HIPK1: variants seen among roughly 807,000 people sequenced by gnomAD.
HIPK1 encodes homeodomain interacting protein kinase 1, also known as homeodomain-interacting protein kinase 1.
A neutral mutation model predicts 117.1 loss-of-function variants in HIPK1; 28 were observed. The ratio of observed to expected loss-of-function variants is 0.24; its 90% confidence interval spans 0.18 to 0.33. The LOEUF is 0.33. Ranked by LOEUF, HIPK1 falls within the 10% of genes least tolerant of loss-of-function variation. The pLI is 1.00. For synonymous variants in HIPK1, 605 were observed against 562.5 expected (o/e 1.08, Z -1.07); for missense variants, 1,122 against 1,475.1 (o/e 0.76, Z 3.92).
intron 2 of HIPK1, among the ~76,000 whole-genome samples, chr1:113,950,217 C>A (rs1286357047): frequency 6.6e-6 from 1 of 152,074 alleles, no homozygotes; most frequent in Non-Finnish European, 1.5e-5. Flanking sequence ...CTTCCCTCAA[C>A]CCCCTGCACA....
chr1:113,930,875 A>C (rs1015099245), intron 1 of HIPK1: 1 of 152,230 alleles, frequency 6.6e-6, no homozygotes, highest in Non-Finnish European at 1.5e-5. Context: ...TCTTTTCTTT[A>C]CTTAATCACT....
At chr1:113,949,042 TGGCCAGGCTGGACTTGAAC>T (rs1478451741) in intron 2 of HIPK1, among the ~76,000 whole-genome samples, 8 of 152,268 alleles carry the variant, frequency 5.3e-5, no homozygotes, top group African/African-American at 1.7e-4. Context: ...TTCATCATGT[TGGCCAGGCTGGACTTGAAC>T]TCCTGACCTC....
At chr1:113,958,705 A>G (rs888639187) in intron 8 of HIPK1, among the ~76,000 whole-genome samples, 1 of 152,258 alleles carries the variant, frequency 6.6e-6, no homozygotes, top group Non-Finnish European at 1.5e-5. Context: ...GTTCCCAATA[A>G]AAAGTGATTT....
chr1:113,961,595 C>CT (rs1172519467), intron 8 of HIPK1, among the ~76,000 whole-genome samples: 1 of 152,180 alleles, frequency 6.6e-6, no homozygotes, highest in Non-Finnish European at 1.5e-5. Context: ...ATACTTAAGC[C>CT]TTTGCTTTTA....
chr1:113,946,270 C>T (rs114240129), intron 2 of HIPK1, among the ~76,000 whole-genome samples: 130 of 152,280 alleles, frequency 8.5e-4, no homozygotes, highest in African/African-American at 3.0e-3. Flanking sequence ...TTTGAGTCCT[C>T]AGGAGGGACT....
Position 113,974,770 on chromosome 1 carries a change from A to T in HIPK1, c.*1258A>T, listed in dbSNP as rs1400956650. 1 of 152,660 alleles carries T rather than the reference A, an allele frequency of 6.6e-6. No individual in the cohort carries two copies. The highest frequency in any genetic ancestry group is 1.5e-5 in the Non-Finnish European group (1 of 68,032). 9.5% of individuals were successfully genotyped at this position (152,660 alleles called of 1,614,324 possible). A position where few individuals can be genotyped will look rare whatever the true frequency, so the allele number is the denominator to read the frequency against. On this transcript the variant is annotated 3_prime_UTR_variant, in exon 16 of 16. Coordinates refer to ENST00000426820, the MANE Select transcript of HIPK1 (RefSeq NM_198268.3). The stretch of plus-strand genomic sequence containing the variant: ...TGGTGTTTTAATATTTTACATAATT[A>T]AATATGTACATATTGATTAGAAAAA...
intron 1 of HIPK1, chr1:113,930,058 C>T (rs1225868422): frequency 3.1e-6 from 3 of 972,470 alleles, no homozygotes; most frequent in Non-Finnish European, 3.7e-6. Context: ...GGGGCGCCTT[C>T]CTCAAAGGGC....
intron 8 of HIPK1, among the ~76,000 whole-genome samples, chr1:113,959,551 C>T (rs1671956677): frequency 6.6e-6 from 1 of 152,202 alleles, no homozygotes; most frequent in Non-Finnish European, 1.5e-5. Context: ...TTCATTGGAA[C>T]AGTTTTCAGA....
At chr1:113,949,148 A>G (rs189615666) in intron 2 of HIPK1, among the ~76,000 whole-genome samples, 367 of 152,136 alleles carry the variant, frequency 2.4e-3, no homozygotes, top group Non-Finnish European at 4.0e-3. Flanking sequence ...TGTTATCGCT[A>G]CCTTTTAAAG....
At chr1:113,929,555 G>T in intron 1 of HIPK1, 23 bp downstream of exon 1, 1 of 1,280,964 alleles carries the variant, frequency 7.8e-7, no homozygotes, top group Non-Finnish European at 1.0e-6. Flanking sequence ...GCGCGGGGCG[G>T]GTGAATAGTT....
At chr1:113,935,005 AAAAG>A (rs1476948124) in intron 1 of HIPK1, among the ~76,000 whole-genome samples, 1 of 148,964 alleles carries the variant, frequency 6.7e-6, no homozygotes, top group Non-Finnish European at 1.5e-5. Flanking sequence ...AAAAAAAAAA[AAAAG>A]AATCAGCTGT....
In HIPK1 at chr1:113,953,438, C is replaced by T. The variant is rs931215793; in HGVS notation, c.1200+549C>T. ...AACTTTAGGAGATATGGTATAATTT[C>T]CTAAGGAATTGGTCCGTTAAGGGAA... On this transcript the variant is annotated intron_variant, in intron 3 of 15. Coordinates refer to ENST00000426820, the MANE Select transcript of HIPK1 (RefSeq NM_198268.3). 2.0e-5 allele frequency among the ~76,000 whole-genome samples: 3 copies of T among 152,196 alleles called. No homozygotes were observed. In the East Asian group the frequency reaches 5.8e-4, roughly 29 times the overall value.
At chr1:113,937,890 G>A (rs138842062) in intron 1 of HIPK1, among the ~76,000 whole-genome samples, 7 of 152,146 alleles carry the variant, frequency 4.6e-5, no homozygotes, top group East Asian at 3.9e-4. Context: ...CTAGAGTGGG[G>A]GTTAGGGGAG....
At position 113,971,867 on chromosome 1, in the gene HIPK1, G is replaced by A. The variant is rs1330299094; in HGVS notation, c.3057G>A (p.Gly1019=). The change falls in exon 15 of 16, where the codon GGG becomes GGA. Residue 1019 remains glycine, a synonymous_variant. Transcript: ENST00000426820. ...NKTKPVASVS[G]QSSGCCITPT... The stretch of plus-strand genomic sequence containing the variant: ...CTAAGCCAGTCGCTTCAGTGAGTGG[G>A]CAGTCATCTGGATGCTGTATCACCC... 3.7e-6 allele frequency: 6 copies of A among 1,600,084 alleles called. No individual in the cohort carries two copies. The highest frequency in any genetic ancestry group is 5.1e-6 in the Non-Finnish European group (6 of 1,175,546).
At chr1:113,929,690 A>C in intron 1 of HIPK1, 158 bp downstream of exon 1, 1 of 857,346 alleles carries the variant, frequency 1.2e-6, no homozygotes, top group Non-Finnish European at 1.5e-6. Context: ...CAGGAGGCCG[A>C]GGCGGGAGCG....
At chr1:113,956,483 A>T (rs2101345236) in intron 5 of HIPK1, 144 bp from the exon 6 acceptor site, 1 of 511,042 alleles carries the variant, frequency 2.0e-6, no homozygotes, top group Non-Finnish European at 3.3e-6. Flanking sequence ...TCTGAAAATG[A>T]TTAGATTTTC....
At chr1:113,958,532 T>TA (rs1181989576) in intron 8 of HIPK1, among the ~76,000 whole-genome samples, 3 of 152,248 alleles carry the variant, frequency 2.0e-5, no homozygotes, top group Non-Finnish European at 4.4e-5. Flanking sequence ...AATTGCCTGA[T>TA]ACCAGTTTTC....
At position 113,929,480 on chromosome 1, in the gene HIPK1, A is replaced by C. The variant is rs755546451; in HGVS notation, c.-55A>C. The C allele has an allele frequency of 1.6e-5, 21 of 1,289,258 alleles. 1 individual carries two copies. In the African/African-American group the frequency reaches 3.0e-4, roughly 19 times the overall value. 79.9% of individuals were successfully genotyped at this position (1,289,258 alleles called of 1,614,324 possible). Reference sequence around the variant, plus strand: ...TCGAGGCCCACCGACTCCTACTGCAATCAGTACTATGCGATCGTCCTAGAG... The same window carrying C: ...TCGAGGCCCACCGACTCCTACTGCACTCAGTACTATGCGATCGTCCTAGAG... On this transcript the variant is annotated 5_prime_UTR_variant, in exon 1 of 16. Coordinates refer to ENST00000426820, the MANE Select transcript of HIPK1 (RefSeq NM_198268.3).
intron 7 of HIPK1, 125 bp from the exon 8 acceptor site, chr1:113,957,941 C>A: frequency 4.4e-6 from 3 of 684,414 alleles, no homozygotes; most frequent in Admixed American, 2.8e-5. Context: ...AGAGTTATTT[C>A]AGAGGCAGTT....
Sources: gnomAD v4.1 joint callset for allele counts (sites outside exome capture counted in the v4.1 genomes callset) on GRCh38, gnomAD v4.1.1 for gene constraint, MANE v1.5 for transcripts, NCBI Gene and HGNC (gene_info 2026-07-23, HGNC 2026-07-21) for gene names.